CA10: variants seen among roughly 807,000 people sequenced by gnomAD.
The protein encoded by CA10 is carbonic anhydrase-related protein 10.
In CA10, 14 loss-of-function variants were observed where a neutral mutation model predicts 44.2. That is an observed-to-expected ratio of 0.32 (90% CI 0.21 to 0.50). The LOEUF (loss-of-function observed/expected upper bound fraction) is 0.50, where lower values mean the gene tolerates loss of function less well. CA10 is among the 20% of genes least tolerant of loss of function. CA10 has a pLI of 0.99. For synonymous variants in CA10, 159 were observed against 141.6 expected (o/e 1.12, Z -0.87); for missense variants, 350 against 409.7 (o/e 0.85, Z 1.26).
rs541528118 is a variant in CA10, at chr17:52,142,509, A to AT, written c.61+15216dup. ...CTTATAAAAAATCACTGATGGGGTTATTTTTTTTGAAAATACTTGGAAAAT... is the reference window on the plus strand; with the variant it reads ...CTTATAAAAAATCACTGATGGGGTTATTTTTTTTTGAAAATACTTGGAAAAT... On this transcript the variant is annotated intron_variant, in intron 1 of 8. Coordinates refer to ENST00000451037, the MANE Select transcript of CA10 (RefSeq NM_020178.5). 8.3e-3 allele frequency among the ~76,000 whole-genome samples: 1,257 copies of AT among 152,056 alleles called. 18 individuals carry two copies. Among genetic ancestry groups the AT allele is most frequent in the African/African-American group, 0.029 (1,189 of 41,504 alleles).
intron 1 of CA10, among the ~76,000 whole-genome samples, chr17:52,088,218 T>C (rs527312269): frequency 3.6e-4 from 55 of 152,230 alleles, no homozygotes; most frequent in African/African-American, 1.3e-3. Flanking sequence ...CATGTACCCT[T>C]GAACTTAAAA....
intron 4 of CA10, among the ~76,000 whole-genome samples, chr17:51,740,602 A>G (rs1005979816): frequency 6.6e-6 from 1 of 152,174 alleles, no homozygotes; most frequent in Non-Finnish European, 1.5e-5. Flanking sequence ...AGTAAAAACC[A>G]AAGTCCATAC....
chr17:51,802,513 C>G (rs139618071), intron 3 of CA10, among the ~76,000 whole-genome samples: 1 of 143,578 alleles, frequency 7.0e-6, no homozygotes, highest in African/African-American at 2.7e-5. Context: ...GCCTTCAGAC[C>G]GAGTCTAATG....
At chr17:51,781,187 T>A (rs1906044153) in intron 3 of CA10, among the ~76,000 whole-genome samples, 1 of 152,222 alleles carries the variant, frequency 6.6e-6, no homozygotes, top group Non-Finnish European at 1.5e-5. Context: ...AAGTCATTTA[T>A]CATCTCTGAG....
chr17:51,761,614 C>A (rs912180679), intron 3 of CA10: 1 of 152,172 alleles, frequency 6.6e-6, no homozygotes, highest in Non-Finnish European at 1.5e-5. Context: ...AATCCTTGCT[C>A]CCATCTTGAA....
At chr17:51,830,511 G>T (rs1473046663) in intron 3 of CA10, among the ~76,000 whole-genome samples, 1 of 151,942 alleles carries the variant, frequency 6.6e-6, no homozygotes, top group East Asian at 1.9e-4. Context: ...TTTTATTCAT[G>T]AAGAGTTTAT....
intron 2 of CA10, among the ~76,000 whole-genome samples, chr17:52,070,696 A>T (rs1218174555): frequency 1.3e-5 from 2 of 152,238 alleles, no homozygotes; most frequent in Non-Finnish European, 2.9e-5. Context: ...TAAGGGGACA[A>T]TAAAAATTAT....
intron 3 of CA10, among the ~76,000 whole-genome samples, chr17:51,879,649 G>A (rs1567871221): frequency 6.6e-6 from 1 of 152,180 alleles, no homozygotes; most frequent in Non-Finnish European, 1.5e-5. Context: ...CTGAAGTGAG[G>A]ACCAGAGAAC....
At chr17:51,714,713 G>C (rs190002544) in intron 4 of CA10, among the ~76,000 whole-genome samples, 3 of 152,316 alleles carry the variant, frequency 2.0e-5, no homozygotes, top group Admixed American at 2.0e-4. Context: ...CTCAGATGGA[G>C]AGAGAAGAAG....
chr17:51,651,591 A>G (rs2157829), intron 5 of CA10, among the ~76,000 whole-genome samples: 89,329 of 152,118 alleles, frequency 0.59, 27,675 homozygotes, highest in Non-Finnish European at 0.68. Flanking sequence ...GCAAGCAACT[A>G]GGACTTGCAA....
At chr17:52,063,813 G>A (rs983764852) in intron 2 of CA10, among the ~76,000 whole-genome samples, 1 of 152,094 alleles carries the variant, frequency 6.6e-6, no homozygotes, top group African/African-American at 2.4e-5. Flanking sequence ...CCAGCCTCAG[G>A]TATTCATTTA....
At chr17:51,784,300 CAGG>C (rs1906175587) in intron 3 of CA10, among the ~76,000 whole-genome samples, 1 of 152,072 alleles carries the variant, frequency 6.6e-6, no homozygotes, top group African/African-American at 2.4e-5. Context: ...GCCCAGAGCC[CAGG>C]AGAACCCTGC....
At chr17:51,913,534 C>G (rs1981869907) in intron 3 of CA10, among the ~76,000 whole-genome samples, 1 of 152,180 alleles carries the variant, frequency 6.6e-6, no homozygotes. Context: ...AAAGTCCCTT[C>G]AAGGTCAGAC....
chr17:51,784,358 T>C (rs966652920), intron 3 of CA10, among the ~76,000 whole-genome samples: 1 of 152,188 alleles, frequency 6.6e-6, no homozygotes, highest in South Asian at 2.1e-4. Flanking sequence ...GAGGGAAACA[T>C]GGAAGGCAGT....
chr17:51,956,959 C>T (rs203017), intron 2 of CA10, among the ~76,000 whole-genome samples: 148,214 of 152,230 alleles, frequency 0.97, 72,251 homozygotes, highest in South Asian at 1. Flanking sequence ...TACAGAATGG[C>T]AGAATTAAGT....
chr17:52,114,676 T>A (rs1274188047), intron 1 of CA10, among the ~76,000 whole-genome samples: 1 of 152,180 alleles, frequency 6.6e-6, no homozygotes, highest in African/African-American at 2.4e-5. Context: ...GTCCTACAAA[T>A]GGAGCTATAA....
intron 2 of CA10, among the ~76,000 whole-genome samples, chr17:52,036,270 C>T (rs1405229381): frequency 2.0e-5 from 3 of 152,260 alleles, no homozygotes; most frequent in Admixed American, 1.3e-4. Context: ...AGAATTTAGG[C>T]TTCATTCGAA....
chr17:51,834,184 CT>C (rs1433791534), intron 3 of CA10, among the ~76,000 whole-genome samples: 1 of 152,130 alleles, frequency 6.6e-6, no homozygotes, highest in Non-Finnish European at 1.5e-5. Flanking sequence ...CTTAATCAGC[CT>C]TCAAATTGAT....
chr17:52,054,277 C>T (rs1183854804), intron 2 of CA10, among the ~76,000 whole-genome samples: 8 of 152,022 alleles, frequency 5.3e-5, no homozygotes, highest in South Asian at 2.1e-4. Flanking sequence ...CTTTTACGGT[C>T]GTACATAAGG....
Sources: gnomAD v4.1 joint callset for allele counts (sites outside exome capture counted in the v4.1 genomes callset) on GRCh38, gnomAD v4.1.1 for gene constraint, MANE v1.5 for transcripts, NCBI Gene and HGNC (gene_info 2026-07-23, HGNC 2026-07-21) for gene names.